ZNF407: variants seen among roughly 807,000 people sequenced by gnomAD.
ZNF407 encodes zinc finger protein 407.
In ZNF407, 17 loss-of-function variants were observed where a neutral mutation model predicts 131.2. The ratio of observed to expected loss-of-function variants is 0.13; its 90% CI spans 0.09 to 0.19. The LOEUF (loss-of-function observed/expected upper bound fraction) is 0.19. Among genes scored for constraint, ZNF407 ranks in the 10% least tolerant of loss-of-function variants. ZNF407 has a pLI of 1.00. For synonymous variants in ZNF407, 1,156 were observed against 1,062.0 expected, an observed-to-expected ratio of 1.09 and a Z score of -1.72; for missense variants, 2,681 against 2,830.6, an observed-to-expected ratio of 0.95 and a Z score of 1.20.
At position 74,889,478 on chromosome 18, in the gene ZNF407, A is replaced by G. The variant is rs2145195222; in HGVS notation, c.5129-440A>G. Among the ~76,000 whole-genome samples the G allele has an allele frequency of 2.0e-5, 3 of 151,946 alleles. 1 individual carries two copies. In the South Asian group the frequency reaches 6.2e-4, roughly 32 times the overall value. On this transcript the variant is annotated intron_variant, in intron 6 of 8. Coordinates refer to ENST00000299687, the MANE Select transcript of ZNF407 (RefSeq NM_017757.3). ...TGGTGCCCATTTGTAGCTTGATTTTATTTTTCTTCATATCTAATGTTAAGA... is the reference window on the plus strand; with the variant it reads ...TGGTGCCCATTTGTAGCTTGATTTTGTTTTTCTTCATATCTAATGTTAAGA...
At chr18:75,007,504 A>G (rs1972925469) in intron 8 of ZNF407, among the ~76,000 whole-genome samples, 1 of 152,192 alleles carries the variant, frequency 6.6e-6, no homozygotes, top group African/African-American at 2.4e-5. Flanking sequence ...CTCGCACACA[A>G]TCACTCTGCT....
chr18:74,956,344 C>T (rs1341722446), intron 8 of ZNF407, among the ~76,000 whole-genome samples: 3 of 152,144 alleles, frequency 2.0e-5, no homozygotes, highest in South Asian at 2.1e-4. Context: ...CTGCTCTTGA[C>T]GTCCTCTATT....
At chr18:74,598,611 G>A (rs1003236281) in intron 1 of ZNF407, 2 of 152,346 alleles carry the variant, frequency 1.3e-5, no homozygotes, top group African/African-American at 2.4e-5. Flanking sequence ...GCGGGCGGAG[G>A]GCACACAAGT....
chr18:74,879,418 G>A (rs537532777), intron 5 of ZNF407, among the ~76,000 whole-genome samples: 3 of 152,206 alleles, frequency 2.0e-5, no homozygotes, highest in East Asian at 1.9e-4. Flanking sequence ...GACCCGCAAC[G>A]AGGAATTGAT....
intron 3 of ZNF407, among the ~76,000 whole-genome samples, chr18:74,767,522 T>C (rs1461990597): frequency 6.6e-6 from 1 of 152,172 alleles, no homozygotes; most frequent in Admixed American, 6.5e-5. Flanking sequence ...TCATGGAAAA[T>C]ATTTATCTTA....
intron 8 of ZNF407, among the ~76,000 whole-genome samples, chr18:74,977,770 G>A (rs1972544647): frequency 6.6e-6 from 1 of 152,186 alleles, no homozygotes; most frequent in Admixed American, 6.5e-5. Context: ...GTTTGTGCCA[G>A]TATGACTCGG....
intron 8 of ZNF407, among the ~76,000 whole-genome samples, chr18:75,043,836 C>T (rs1478012522): frequency 2.6e-5 from 4 of 152,170 alleles, no homozygotes; most frequent in African/African-American, 9.7e-5. Context: ...CATGGTCCAA[C>T]TGAGGACATA....
At chr18:74,919,100 T>TG (rs2145239147) in intron 7 of ZNF407, among the ~76,000 whole-genome samples, 1 of 152,322 alleles carries the variant, frequency 6.6e-6, no homozygotes, top group South Asian at 2.1e-4. Context: ...ACCCTCTGTC[T>TG]GGGGAATACC....
rs367954956 is a variant in ZNF407, at chr18:74,633,413, A to C, written c.2394A>C (p.Glu798Asp). 2 of 1,614,056 alleles carry C rather than the reference A, an allele frequency of 1.2e-6. No individual in the cohort carries two copies. Among genetic ancestry groups the C allele is most frequent in the Non-Finnish European group, 1.7e-6 (2 of 1,179,908 alleles). Residue 798 changes from glutamate to aspartate, a missense_variant, in exon 2 of 9, where the codon GAA (glutamate) becomes GAC (aspartate). By Grantham distance (45) the Glu-to-Asp change is conservative. Transcript: ENST00000299687. ...ATGTTTCCGGAAATGGAAGGATTGA[A>C]GGCCATATAGGTGTGCAATTACAAG... ...EFDVSGNGRI[E>D]GHIGVQLQEH...
At chr18:74,889,833 T>C (rs1971360363) in intron 6 of ZNF407, 85 bp from the exon 7 acceptor site, 1 of 1,261,746 alleles carries the variant, frequency 7.9e-7, no homozygotes, top group African/African-American at 1.5e-5. Flanking sequence ...GAAATAAATG[T>C]TTTTTAAATT....
intron 7 of ZNF407, among the ~76,000 whole-genome samples, chr18:74,907,695 A>T (rs1971615111): frequency 6.6e-6 from 1 of 152,140 alleles, no homozygotes; most frequent in Non-Finnish European, 1.5e-5. Flanking sequence ...CTCTTCATGG[A>T]CATTTAGTTT....
intron 3 of ZNF407, among the ~76,000 whole-genome samples, chr18:74,780,168 T>C (rs906452636): frequency 6.6e-6 from 1 of 152,208 alleles, no homozygotes; most frequent in Non-Finnish European, 1.5e-5. Flanking sequence ...GTAGAATGAT[T>C]GTTATTTTCA....
chr18:74,626,912 G>T (rs1176407789), intron 1 of ZNF407, among the ~76,000 whole-genome samples: 1 of 152,154 alleles, frequency 6.6e-6, no homozygotes. Context: ...AGGATGGCAG[G>T]GCTGTATCCT....
intron 8 of ZNF407, among the ~76,000 whole-genome samples, chr18:75,013,270 C>T (rs569400447): frequency 2.0e-5 from 3 of 152,154 alleles, no homozygotes; most frequent in Non-Finnish European, 2.9e-5. Flanking sequence ...GAGAGAAACT[C>T]GTTTTTCTCT....
intron 3 of ZNF407, among the ~76,000 whole-genome samples, chr18:74,742,683 A>G (rs1968577921): frequency 6.6e-6 from 1 of 152,144 alleles, no homozygotes; most frequent in Non-Finnish European, 1.5e-5. Flanking sequence ...GCTTACTTGT[A>G]GAATGTAGCT....
intron 4 of ZNF407, among the ~76,000 whole-genome samples, chr18:74,789,316 G>A (rs1386262813): frequency 6.6e-6 from 1 of 152,114 alleles, no homozygotes; most frequent in Non-Finnish European, 1.5e-5. Flanking sequence ...GGGAGAGCTT[G>A]GTGTGTTTTG....
intron 8 of ZNF407, among the ~76,000 whole-genome samples, chr18:75,046,850 CA>C (rs1973441424): frequency 6.6e-6 from 1 of 151,974 alleles, no homozygotes; most frequent in Non-Finnish European, 1.5e-5. Flanking sequence ...CAGAATTTGG[CA>C]TTTGCCTCCC....
At chr18:74,756,732 T>C (rs1335684301) in intron 3 of ZNF407, among the ~76,000 whole-genome samples, 1 of 38,898 alleles carries the variant, frequency 2.6e-5, no homozygotes, top group Non-Finnish European at 5.3e-5. Context: ...TCTGTGAATA[T>C]GTCTTTGTAG....
rs1019585731 is a variant in ZNF407 at position 74,631,435 on chromosome 18, C to A, written c.416C>A (p.Thr139Asn). 6.2e-7 allele frequency: 1 copy of A among 1,613,970 alleles called. No homozygotes were observed. The highest frequency in any genetic ancestry group is 8.5e-7 in the Non-Finnish European group (1 of 1,179,892). The change falls in exon 2 of 9, where the codon ACT becomes AAT. Residue 139 changes from threonine to asparagine, a missense_variant. This residue lies in a region of ZNF407 where 1,789 missense variants were observed against 1,748.7 expected (regional missense o/e 1.02). Coordinates refer to ENST00000299687, the MANE Select transcript of ZNF407 (RefSeq NM_017757.3). The stretch of plus-strand genomic sequence containing the variant: ...CTCTCCCCTTCTTGCAATTTTAGCA[C>A]TATTGATGTTGTTTCTCTGAAAACA... ...NALSPSCNFS[T>N]IDVVSLKTDT...
Sources: allele counts gnomAD v4.1 joint callset (sites outside exome capture counted in the v4.1 genomes callset), GRCh38; gene constraint gnomAD v4.1.1; regional missense constraint gnomAD v4.1.1; transcripts MANE v1.5; gene names NCBI Gene and HGNC (gene_info 2026-07-23, HGNC 2026-07-21).